The following ANK2 variants were observed in gnomAD, a reference collection of about 807,000 sequenced individuals.
ANK2 encodes ankyrin-2.
In ANK2, 83 loss-of-function variants were observed where a neutral mutation model predicts 360.5. That is an observed-to-expected ratio of 0.23 (90% CI 0.19 to 0.28). ANK2 has a LOEUF of 0.28. Ranked by LOEUF, ANK2 falls within the 10% of genes least tolerant of loss-of-function variation. The pLI is 1.00. For synonymous variants in ANK2, 1,740 were observed against 1,759.5 expected, an observed-to-expected ratio of 0.99 and a Z score of 0.28; for missense variants, 4,201 against 4,795.7, an observed-to-expected ratio of 0.88 and a Z score of 3.66.
chr4:113,139,659 C>T (rs966351361), intron 1 of ANK2, among the ~76,000 whole-genome samples: 1 of 152,168 alleles, frequency 6.6e-6, no homozygotes, highest in Non-Finnish European at 1.5e-5. Flanking sequence ...TTGCTTTGGC[C>T]ACCCTACACT....
At chr4:112,909,764 G>C (rs182330549) in intron 2 of ANK2, among the ~76,000 whole-genome samples, 1 of 152,298 alleles carries the variant, frequency 6.6e-6, no homozygotes, top group African/African-American at 2.4e-5. Flanking sequence ...GTCAGTCTAT[G>C]TATAGCAGAG....
At position 113,381,933 on chromosome 4, in the gene ANK2, G is replaced by T; in HGVS notation, c.*462G>T. On this transcript the variant is annotated 3_prime_UTR_variant, in exon 46 of 46. Coordinates refer to ENST00000357077, the MANE Select transcript of ANK2 (RefSeq NM_001148.6). ...TTCTTTGCTTCTGCACAAGATCCAT[G>T]AAAATCCATTGATCAGAAGAACTTC... 3.0e-6 allele frequency: 1 copy of T among 337,504 alleles called. No homozygotes were observed. The highest frequency in any genetic ancestry group is 2.5e-5 in the South Asian group (1 of 39,456). 20.9% of individuals were successfully genotyped at this position (337,504 alleles called of 1,614,324 possible).
chr4:113,002,082 G>C (rs1008786869), intron 2 of ANK2, among the ~76,000 whole-genome samples: 1 of 151,850 alleles, frequency 6.6e-6, no homozygotes. Context: ...GTGCAGGTTA[G>C]TTACATATGT....
rs371271695 is a variant in ANK2 at position 112,904,539 on chromosome 4, C to G, written c.21+25C>G. The G allele has an allele frequency of 2.1e-4, 307 of 1,441,472 alleles. 3 individuals are homozygous for G. The African/African-American group carries it at 3.5e-3, about 16-fold the overall frequency. The allele number at this position is 1,441,472 out of a possible 1,614,324, so 89.3% of individuals were successfully genotyped here. On this transcript the variant is annotated intron_variant, in intron 2 of 30. Coordinates refer to the ANK2 transcript ENST00000503271. ...GGTACTTTTGGTATTTTAAATATTA[C>G]TTTAAAGGAATCTTATAAAAAGACA... is the stretch of plus-strand genomic sequence containing the variant.
intron 2 of ANK2, among the ~76,000 whole-genome samples, chr4:113,015,619 T>A (rs953147163): frequency 6.6e-6 from 1 of 152,234 alleles, no homozygotes; most frequent in Non-Finnish European, 1.5e-5. Context: ...TAGGATGACA[T>A]TGAAGCATGT....
chr4:113,313,102 T>A (rs989344568), intron 24 of ANK2, among the ~76,000 whole-genome samples: 2 of 152,188 alleles, frequency 1.3e-5, no homozygotes, highest in Non-Finnish European at 2.9e-5. Context: ...ATAACTTAGA[T>A]AAAGGGTGCT....
chr4:112,845,216 T>C (rs765397391), intron 1 of ANK2, among the ~76,000 whole-genome samples: 2 of 152,152 alleles, frequency 1.3e-5, no homozygotes, highest in Non-Finnish European at 2.9e-5. Flanking sequence ...TGTGGAGTAA[T>C]GCAACATATA....
intron 1 of ANK2, among the ~76,000 whole-genome samples, chr4:112,901,876 A>C (rs1340599730): frequency 1.3e-5 from 2 of 151,982 alleles, no homozygotes; most frequent in Admixed American, 1.3e-4. Context: ...AAAAAAAAAA[A>C]AAGGAAGAAG....
chr4:112,751,941 A>AT, the ANK2 span, among the ~76,000 whole-genome samples: 681 of 152,278 alleles, frequency 4.5e-3, 9 homozygotes, highest in African/African-American at 0.015. Context: ...GATTTTACTG[A>AT]TTTTACTATC....
chr4:113,303,884 T>C (rs2076079587), intron 23 of ANK2, among the ~76,000 whole-genome samples: 1 of 152,208 alleles, frequency 6.6e-6, no homozygotes, highest in Non-Finnish European at 1.5e-5. Flanking sequence ...TACAGAGAAA[T>C]ATTAAAGATG....
intron 23 of ANK2, 96 bp from the exon 24 acceptor site, chr4:113,311,159 G>A: frequency 1.3e-6 from 2 of 1,504,228 alleles, no homozygotes; most frequent in Non-Finnish European, 1.8e-6. Flanking sequence ...TCAAGGTCAA[G>A]GTAATGATGT....
intron 10 of ANK2, among the ~76,000 whole-genome samples, chr4:113,252,785 T>A (rs2047162110): frequency 6.6e-6 from 1 of 152,172 alleles, no homozygotes; most frequent in Admixed American, 6.5e-5. Context: ...ACTACCTGCA[T>A]TTCACTCAAT....
In ANK2 at chr4:113,357,187, G is replaced by A; in HGVS notation, c.8569G>A (p.Glu2857Lys). The change falls in exon 38 of 46, where the codon GAA becomes AAA. Residue 2857 changes from glutamate (E) to lysine (K), a missense_variant. Glu to Lys is a moderately conservative substitution (Grantham distance 56). This residue lies in a region of ANK2 where 2,642 missense variants were observed against 2,714.5 expected (regional missense o/e 0.97). Coordinates refer to ENST00000357077, the MANE Select transcript of ANK2 (RefSeq NM_001148.6). ...CTCTTTGCCTCATTGTTTGGTATCT[G>A]AAGGAAAAGAATTAGATGAAGACAT... ...SSSLPHCLVS[E>K]GKELDEDISA... 1 of 1,614,080 alleles carries A rather than the reference G, an allele frequency of 6.2e-7. No homozygotes were observed. Among genetic ancestry groups the A allele is most frequent in the Non-Finnish European group, 8.5e-7 (1 of 1,179,988 alleles).
chr4:113,191,796 T>A (rs1285098825), intron 2 of ANK2, among the ~76,000 whole-genome samples: 3 of 152,250 alleles, frequency 2.0e-5, no homozygotes, highest in Non-Finnish European at 4.4e-5. Context: ...TTCCCTTTTT[T>A]ACTATTGAAG....
intron 4 of ANK2, among the ~76,000 whole-genome samples, chr4:113,214,692 AC>A (rs2099066536): frequency 6.6e-6 from 1 of 152,174 alleles, no homozygotes; most frequent in Admixed American, 6.5e-5. Flanking sequence ...GTAGGTTAGG[AC>A]TTTAAATATC....
chr4:112,832,137 TG>T (rs774279239), intron 1 of ANK2, among the ~76,000 whole-genome samples: 1 of 152,224 alleles, frequency 6.6e-6, no homozygotes, highest in Non-Finnish European at 1.5e-5. Context: ...CTGCAACCTC[TG>T]ACTCCCATGT....
chr4:112,941,323 T>C (rs2154246678), intron 2 of ANK2, among the ~76,000 whole-genome samples: 1 of 146,734 alleles, frequency 6.8e-6, no homozygotes, highest in Admixed American at 6.8e-5. Context: ...ATAAAAGATA[T>C]ATAAATATAC....
Position 113,278,525 on chromosome 4 carries a change from G to A in ANK2, c.1848G>A (p.Leu616=), listed in dbSNP as rs1427576115. 6.2e-7 allele frequency: 1 copy of A among 1,613,960 alleles called. No homozygotes were observed. The highest frequency in any genetic ancestry group is 2.2e-5 in the East Asian group (1 of 44,852). ...ACCAGAAGGTGGCGCTGCTGTTACT[G>A]GAGAAGGGTGCTTCCCCTCATGCCA... ...YDNQKVALLL[L]EKGASPHATA... is the part of the protein sequence containing the mutation. Residue 616 remains leucine (L), a synonymous_variant, in exon 17 of 46, where the codon CTG becomes CTA. Transcript: ENST00000357077.
At chr4:112,975,233 G>A (rs1232247473) in intron 2 of ANK2, among the ~76,000 whole-genome samples, 1 of 152,116 alleles carries the variant, frequency 6.6e-6, no homozygotes, top group African/African-American at 2.4e-5. Flanking sequence ...AGTGTATTCT[G>A]TTGATGTTTC....
Sources: allele counts gnomAD v4.1 joint callset (sites outside exome capture counted in the v4.1 genomes callset), GRCh38; gene constraint gnomAD v4.1.1; regional missense constraint gnomAD v4.1.1; transcripts MANE v1.5; gene names NCBI Gene and HGNC (gene_info 2026-07-23, HGNC 2026-07-21).